KCNT2: variants seen among roughly 807,000 people sequenced by gnomAD.
KCNT2 encodes the protein potassium channel subfamily T member 2.
Under a neutral mutation model 153.8 loss-of-function variants are expected in KCNT2, and 67 were observed. The ratio of observed to expected loss-of-function variants is 0.44; its 90% confidence interval spans 0.36 to 0.53. The LOEUF (loss-of-function observed/expected upper bound fraction) is 0.53, where lower values mean the gene tolerates loss of function less well. KCNT2 is among the 20% of genes least tolerant of loss of function. The probability of loss-of-function intolerance (pLI) is 0.00; values close to 1 mark genes in which losing one functional copy is unlikely to be tolerated. For synonymous variants in KCNT2, 500 were observed against 458.8 expected (o/e 1.09, Z -1.15); for missense variants, 975 against 1,354.8 (o/e 0.72, Z 4.40).
Position 196,562,467 on chromosome 1 carries a change from A to G in KCNT2, c.95+45748T>C, listed in dbSNP as rs371847135. Among the ~76,000 whole-genome samples, 20 of 152,074 alleles carry G rather than the reference A, an allele frequency of 1.3e-4. No homozygotes were observed. In the South Asian group the frequency reaches 1.7e-3, roughly 13 times the overall value. On this transcript the variant is annotated intron_variant, in intron 1 of 27. Coordinates refer to ENST00000294725, the MANE Select transcript of KCNT2 (RefSeq NM_198503.5). ...TGCTCTTGGCCAAGAGGAGGGGTCC[A>G]TTCAGATGATTGGAGGACTTAGAAT...
chr1:196,523,499 T>A (rs1382333086), intron 1 of KCNT2, among the ~76,000 whole-genome samples: 1 of 152,224 alleles, frequency 6.6e-6, no homozygotes, highest in African/African-American at 2.4e-5. Flanking sequence ...TCACCGCTAC[T>A]TTATTTTTCT....
chr1:196,419,433 G>A (rs762959282), intron 12 of KCNT2, among the ~76,000 whole-genome samples: 2 of 147,992 alleles, frequency 1.4e-5, no homozygotes, highest in Non-Finnish European at 3.0e-5. Context: ...AACATGCGGT[G>A]TTTGGTTTTT....
chr1:196,246,662 T>C (rs529413948), intron 26 of KCNT2, among the ~76,000 whole-genome samples: 1 of 152,238 alleles, frequency 6.6e-6, no homozygotes, highest in East Asian at 1.9e-4. Context: ...TACTTTTCTC[T>C]TTACTTGTTT....
chr1:196,285,566 G>A, intron 23 of KCNT2, 91 bp downstream of exon 23: 2 of 656,926 alleles, frequency 3.0e-6, no homozygotes, highest in Non-Finnish European at 5.0e-6. Flanking sequence ...GTTAGTAGCT[G>A]CATGTGAAAC....
chr1:196,346,616 G>A (rs1666166066), intron 14 of KCNT2, among the ~76,000 whole-genome samples: 1 of 151,870 alleles, frequency 6.6e-6, no homozygotes, highest in Non-Finnish European at 1.5e-5. Flanking sequence ...AATTTTCCTT[G>A]CTTGTCTGAT....
intron 14 of KCNT2, among the ~76,000 whole-genome samples, chr1:196,347,919 T>C (rs1185994359): frequency 2.0e-5 from 3 of 152,154 alleles, no homozygotes; most frequent in South Asian, 2.1e-4. Flanking sequence ...TAACATTAAA[T>C]TGTGTTAATT....
intron 8 of KCNT2, among the ~76,000 whole-genome samples, chr1:196,453,171 C>T (rs1396751948): frequency 6.6e-6 from 1 of 151,786 alleles, no homozygotes; most frequent in Non-Finnish European, 1.5e-5. Context: ...TGTGTGGAAG[C>T]CTGGCTTTTG....
intron 13 of KCNT2, among the ~76,000 whole-genome samples, chr1:196,396,880 T>C (rs190624994): frequency 1.2e-3 from 183 of 151,490 alleles, no homozygotes; most frequent in African/African-American, 4.0e-3. Flanking sequence ...GATCTCTCGA[T>C]GGAAGCATAC....
chr1:196,580,852 T>C (rs1661948486), intron 1 of KCNT2, among the ~76,000 whole-genome samples: 1 of 152,158 alleles, frequency 6.6e-6, no homozygotes, highest in Non-Finnish European at 1.5e-5. Context: ...AGTGTTTCTT[T>C]CTGAAAAGTA....
At chr1:196,247,127 G>A (rs1655526863) in intron 26 of KCNT2, among the ~76,000 whole-genome samples, 1 of 151,878 alleles carries the variant, frequency 6.6e-6, no homozygotes, top group African/African-American at 2.4e-5. Context: ...AAAAAGACTA[G>A]GAGAAATGTT....
intron 25 of KCNT2, among the ~76,000 whole-genome samples, chr1:196,272,803 A>T (rs1366866237): frequency 6.6e-6 from 1 of 151,926 alleles, no homozygotes; most frequent in Non-Finnish European, 1.5e-5. Context: ...GAAAAAGAGT[A>T]GGATGGTGGT....
At chr1:196,507,813 G>A (rs1223805294) in intron 1 of KCNT2, among the ~76,000 whole-genome samples, 1 of 151,958 alleles carries the variant, frequency 6.6e-6, no homozygotes, top group African/African-American at 2.4e-5. Flanking sequence ...GAAAACAAAT[G>A]TTATTTATAA....
intron 12 of KCNT2, among the ~76,000 whole-genome samples, chr1:196,408,104 G>A (rs2148471955): frequency 6.6e-6 from 1 of 151,506 alleles, no homozygotes; most frequent in South Asian, 2.1e-4. Context: ...CCTCTGCCCT[G>A]ATAATCTTAA....
At chr1:196,240,671 AC>A (rs1654870706) in intron 26 of KCNT2, among the ~76,000 whole-genome samples, 1 of 151,994 alleles carries the variant, frequency 6.6e-6, no homozygotes, top group African/African-American at 2.4e-5. Flanking sequence ...AATGGACTAA[AC>A]TAAAGTGAGA....
intron 12 of KCNT2, among the ~76,000 whole-genome samples, chr1:196,414,047 T>G (rs1672553640): frequency 6.6e-6 from 1 of 151,612 alleles, no homozygotes; most frequent in South Asian, 2.1e-4. Flanking sequence ...CAATCAATGT[T>G]TTTCAAAAGC....
intron 1 of KCNT2, among the ~76,000 whole-genome samples, chr1:196,499,178 C>T (rs1350488299): frequency 6.6e-6 from 1 of 152,162 alleles, no homozygotes; most frequent in African/African-American, 2.4e-5. Context: ...AGGAAAGATC[C>T]TCTCCTAGAG....
rs1230657934 is a variant in KCNT2 at position 196,425,982 on chromosome 1, A to G, written c.991T>C (p.Tyr331His). ...FYAHPRLQDYYVVILCPTEMD... is the reference protein window; with the variant it reads ...FYAHPRLQDYHVVILCPTEMD... ...TCAGTAGGACACAAAATCACCACAT[A>G]ATAATCCTATTCAAAACAAAATGGG... The change falls in exon 11 of 28, where the codon TAT (tyrosine) becomes CAT (histidine). Residue 331 changes from tyrosine (Y) to histidine (H), a missense_variant. Physicochemically the swap from Tyr to His is moderately conservative, Grantham distance 83. This residue lies in a region of KCNT2 where 202 missense variants were observed against 314.9 expected (regional missense o/e 0.64). Coordinates refer to ENST00000294725, the MANE Select transcript of KCNT2 (RefSeq NM_198503.5). 1 of 1,611,734 alleles carries G rather than the reference A, an allele frequency of 6.2e-7. No homozygotes were observed.
At chr1:196,561,513 A>G (rs1659379179) in intron 1 of KCNT2, among the ~76,000 whole-genome samples, 1 of 151,614 alleles carries the variant, frequency 6.6e-6, no homozygotes, top group African/African-American at 2.4e-5. Context: ...AGTTGTTGAT[A>G]TTGTAAACCA....
chr1:196,424,871 GACAC>G (rs532251977), intron 11 of KCNT2, among the ~76,000 whole-genome samples: 1 of 149,246 alleles, frequency 6.7e-6, no homozygotes, highest in Non-Finnish European at 1.5e-5. Flanking sequence ...CCACTAGACA[GACAC>G]ACACACACAC....
Sources: allele counts gnomAD v4.1 joint callset (sites outside exome capture counted in the v4.1 genomes callset), GRCh38; gene constraint gnomAD v4.1.1; regional missense constraint gnomAD v4.1.1; transcripts MANE v1.5; gene names NCBI Gene and HGNC (gene_info 2026-07-23, HGNC 2026-07-21).